Variants in LGR6 observed in about 807,000 individuals in gnomAD.
LGR6 encodes leucine-rich repeat-containing G protein-coupled receptor 6.
LGR6 carries 45 observed loss-of-function variants against 69.4 expected under a neutral mutation model. The ratio of observed to expected loss-of-function variants is 0.65; its 90% CI spans 0.51 to 0.83. The LOEUF is 0.83. Among genes scored for constraint, LGR6 ranks in the 40% least tolerant of loss-of-function variants. LGR6 has a pLI of 0.00. For missense variants in LGR6, 1,108 were observed against 1,246.7 expected (o/e 0.89, Z 1.68); for synonymous variants, 538 against 555.0 (o/e 0.97, Z 0.43).
chr1:202,276,840 T>C (rs1665601488), intron 5 of LGR6, among the ~76,000 whole-genome samples: 1 of 152,222 alleles, frequency 6.6e-6, no homozygotes, highest in African/African-American at 2.4e-5. Context: ...ATAACTGGAA[T>C]ATAAATCAAG....
At chr1:202,197,496 G>C (rs1422162785) in intron 1 of LGR6, 1 of 532,242 alleles carries the variant, frequency 1.9e-6, no homozygotes, top group Non-Finnish European at 3.9e-6. Flanking sequence ...CATTCTCCCT[G>C]GTTAGGGCCT....
intron 4 of LGR6, among the ~76,000 whole-genome samples, chr1:202,243,942 TTTG>T (rs3062624): frequency 0.46 from 68,576 of 150,420 alleles, 16,495 homozygotes; most frequent in African/African-American, 0.62. Context: ...ACAAAGTCTT[TTTG>T]TTGTTGTTGT....
At chr1:202,269,715 C>G (rs1360225186) in intron 4 of LGR6, among the ~76,000 whole-genome samples, 1 of 152,182 alleles carries the variant, frequency 6.6e-6, no homozygotes, top group Non-Finnish European at 1.5e-5. Context: ...CATGTCTTCT[C>G]ATGTAATGTG....
chr1:202,305,856 C>T (rs1653133156), intron 12 of LGR6, 107 bp downstream of exon 12: 2 of 881,880 alleles, frequency 2.3e-6, no homozygotes, highest in Admixed American at 1.9e-5. Context: ...CACACTTTGA[C>T]ATTTCTTCCT....
At chr1:202,236,143 T>C in intron 4 of LGR6, 150 bp downstream of exon 4, 1 of 645,462 alleles carries the variant, frequency 1.5e-6, no homozygotes, top group Non-Finnish European at 2.7e-6. Context: ...TGGCTTTGGT[T>C]TCTCCGGGGT....
chr1:202,237,983 C>CA (rs5780111), intron 4 of LGR6, among the ~76,000 whole-genome samples: 2,973 of 75,196 alleles, frequency 0.04, 87 homozygotes, highest in African/African-American at 0.12. Flanking sequence ...GGGGGATTTG[C>CA]AAAAAAAAAA....
intron 4 of LGR6, among the ~76,000 whole-genome samples, chr1:202,246,447 G>C (rs1165126112): frequency 9.2e-6 from 1 of 108,706 alleles, no homozygotes; most frequent in East Asian, 2.6e-4. Flanking sequence ...ATCCCTCCAT[G>C]CATCCATCCC....
chr1:202,276,274 G>T, intron 4 of LGR6, 32 bp from the exon 5 acceptor site: 1 of 1,583,128 alleles, frequency 6.3e-7, no homozygotes, highest in Non-Finnish European at 8.7e-7. Flanking sequence ...TCTTGCCCTG[G>T]ATTGACCCCT....
chr1:202,308,326 A>G (rs1426804199), intron 14 of LGR6, among the ~76,000 whole-genome samples: 1 of 152,214 alleles, frequency 6.6e-6, no homozygotes, highest in African/African-American at 2.4e-5. Flanking sequence ...TCCCTTTGAA[A>G]GATGAGGACA....
intron 1 of LGR6, among the ~76,000 whole-genome samples, chr1:202,210,439 A>AC (rs1184406251): frequency 6.6e-6 from 1 of 151,388 alleles, no homozygotes; most frequent in Non-Finnish European, 1.5e-5. Context: ...AAAAAAAAAA[A>AC]AAAACAAAAA....
At chr1:202,236,190 T>C in intron 4 of LGR6, 197 bp downstream of exon 4, 1 of 593,338 alleles carries the variant, frequency 1.7e-6, no homozygotes, top group South Asian at 2.0e-5. Flanking sequence ...TGTACACTCC[T>C]ATGCATATTT....
At chr1:202,243,824 G>A (rs1315172842) in intron 4 of LGR6, among the ~76,000 whole-genome samples, 1 of 152,162 alleles carries the variant, frequency 6.6e-6, no homozygotes, top group Non-Finnish European at 1.5e-5. Flanking sequence ...ATTTTCTTGG[G>A]TCTCCTGAGC....
intron 4 of LGR6, among the ~76,000 whole-genome samples, chr1:202,271,643 C>T (rs556064047): frequency 6.6e-5 from 10 of 151,828 alleles, no homozygotes; most frequent in East Asian, 5.8e-4. Flanking sequence ...CCTGTCTCTA[C>T]GAAAATACAA....
At chr1:202,223,613 G>A (rs917654873) in intron 1 of LGR6, among the ~76,000 whole-genome samples, 6 of 151,994 alleles carry the variant, frequency 3.9e-5, no homozygotes, top group Non-Finnish European at 5.9e-5. Context: ...CTCAGGGAAG[G>A]GGCAGGCAGA....
chr1:202,280,315 T>G (rs903334224), intron 5 of LGR6, among the ~76,000 whole-genome samples: 5 of 152,178 alleles, frequency 3.3e-5, no homozygotes, highest in African/African-American at 1.2e-4. Flanking sequence ...TGAGTGTGTC[T>G]GTAGCTCTCT....
chr1:202,286,978 C>T (rs555334884), intron 6 of LGR6, among the ~76,000 whole-genome samples: 1 of 152,218 alleles, frequency 6.6e-6, no homozygotes, highest in Admixed American at 6.5e-5. Flanking sequence ...TGAACTCTAC[C>T]CCCTCTGCCG....
At chr1:202,238,260 A>G (rs1661779827) in intron 4 of LGR6, among the ~76,000 whole-genome samples, 1 of 150,472 alleles carries the variant, frequency 6.6e-6, no homozygotes, top group African/African-American at 2.4e-5. Context: ...CACGCCAACT[A>G]ATTTTTGTAT....
intron 1 of LGR6, among the ~76,000 whole-genome samples, chr1:202,223,864 C>T (rs1328297452): frequency 6.9e-6 from 1 of 144,436 alleles, no homozygotes; most frequent in East Asian, 2.1e-4. Flanking sequence ...GCACCAGCCC[C>T]TCTCCCACCG....
intron 1 of LGR6, among the ~76,000 whole-genome samples, chr1:202,216,784 G>T (rs1322597738): frequency 6.6e-6 from 1 of 152,212 alleles, no homozygotes; most frequent in Non-Finnish European, 1.5e-5. Flanking sequence ...CTGCCTGTGG[G>T]TGGCATGGCT....
Sources: allele counts gnomAD v4.1 joint callset (sites outside exome capture counted in the v4.1 genomes callset), GRCh38; gene constraint gnomAD v4.1.1; transcripts MANE v1.5; gene names NCBI Gene and HGNC (gene_info 2026-07-23, HGNC 2026-07-21).